The following FLRT2 variants were observed in gnomAD, a reference collection of about 807,000 sequenced individuals.
FLRT2 encodes leucine-rich repeat transmembrane protein FLRT2.
A neutral mutation model predicts 40.0 loss-of-function variants in FLRT2; 15 were observed. The observed-to-expected ratio is 0.38, with a 90% CI of 0.25 to 0.58. The LOEUF (loss-of-function observed/expected upper bound fraction) is 0.58, where lower values mean the gene tolerates loss of function less well. Among genes scored for constraint, FLRT2 ranks in the 20% least tolerant of loss-of-function variants. The probability of loss-of-function intolerance (pLI) is 0.71; values close to 1 mark genes in which losing one functional copy is unlikely to be tolerated. For missense variants in FLRT2, 726 were observed against 840.0 expected, an observed-to-expected ratio of 0.86 and a Z score of 1.68; for synonymous variants, 380 against 336.8, an observed-to-expected ratio of 1.13 and a Z score of -1.41.
At chr14:85,558,356 G>C (rs1207048248) in intron 1 of FLRT2, among the ~76,000 whole-genome samples, 3 of 151,944 alleles carry the variant, frequency 2.0e-5, no homozygotes, top group Non-Finnish European at 4.4e-5. Flanking sequence ...AGTAAATAAG[G>C]ATAAAAGAAA....
chr14:85,615,245 C>T (rs76191432), intron 1 of FLRT2, among the ~76,000 whole-genome samples: 3,260 of 152,270 alleles, frequency 0.021, 61 homozygotes, highest in South Asian at 0.08. Flanking sequence ...GTGAAAGTGT[C>T]TTCAATTTCA....
At position 85,636,613 on chromosome 14, in the gene FLRT2, A is replaced by T. The variant is rs1032613792; in HGVS notation, c.*13116A>T. 2 of 152,070 alleles carry T rather than the reference A, an allele frequency of 1.3e-5. No individual in the cohort carries two copies. Among genetic ancestry groups the T allele is most frequent in the African/African-American group, 4.8e-5 (2 of 41,430 alleles). 9.4% of individuals were successfully genotyped at this position (152,070 alleles called of 1,614,324 possible). On this transcript the variant is annotated 3_prime_UTR_variant, in exon 2 of 2. Coordinates refer to ENST00000330753, the MANE Select transcript of FLRT2 (RefSeq NM_013231.6). ...AGGAAAAGAAAAAGAAAGGCAAATA[A>T]AATGTTTATATGAAATTACGAACAT...
intron 1 of FLRT2, among the ~76,000 whole-genome samples, chr14:85,540,072 G>T (rs1421372987): frequency 2.6e-5 from 4 of 151,816 alleles, no homozygotes; most frequent in African/African-American, 9.7e-5. Flanking sequence ...GATTTTTTTT[G>T]GAAAAATAAA....
At position 85,623,561 on chromosome 14, in the gene FLRT2, A is replaced by T; in HGVS notation, c.*64A>T. Reference sequence around the variant, plus strand: ...CTCTTGAGAACACACTCGTGTGTGCACATAAAGACACGCAGATTACATTTG... The same window carrying T: ...CTCTTGAGAACACACTCGTGTGTGCTCATAAAGACACGCAGATTACATTTG... On this transcript the variant is annotated 3_prime_UTR_variant, in exon 2 of 2. Transcript: ENST00000330753. 2 of 1,227,214 alleles carry T rather than the reference A, an allele frequency of 1.6e-6. No homozygotes were observed. Among genetic ancestry groups the T allele is most frequent in the Non-Finnish European group, 2.2e-6 (2 of 927,424 alleles). The allele number at this position is 1,227,214 out of a possible 1,614,324, so 76.0% of individuals were successfully genotyped here.
At chr14:85,590,247 G>A (rs987459164) in intron 1 of FLRT2, among the ~76,000 whole-genome samples, 3 of 152,050 alleles carry the variant, frequency 2.0e-5, no homozygotes, top group African/African-American at 7.2e-5. Context: ...GGGGCAGTGA[G>A]GCAAAACTGC....
rs965442081 is a variant in FLRT2, at chr14:85,650,175, G to A, written c.*26678G>A. The A allele has an allele frequency of 6.6e-6, 1 of 151,798 alleles. No homozygotes were observed. The highest frequency in any genetic ancestry group is 1.5e-5 in the Non-Finnish European group (1 of 67,916). 9.4% of individuals were successfully genotyped at this position (151,798 alleles called of 1,614,324 possible). ...GATGTACAGTATAGCCTTATTTTAC[G>A]TGTTTTAAATTTATACATAAACAAT... On this transcript the variant is annotated 3_prime_UTR_variant, in exon 2 of 2. Transcript: ENST00000330753.
chr14:85,603,873 A>T (rs756989784), intron 1 of FLRT2, among the ~76,000 whole-genome samples: 4 of 152,116 alleles, frequency 2.6e-5, no homozygotes, highest in Non-Finnish European at 5.9e-5. Context: ...CAATCTTGAA[A>T]CCTGGATTGA....
Position 85,626,278 on chromosome 14 carries a change from C to CTGAT in FLRT2, c.*2782_*2785dup. ...TTTTAGTCATGGGAATGTATATTTG[C>CTGAT]TGATATATCTGCTCTGTGTTTGGGC... On this transcript the variant is annotated 3_prime_UTR_variant, in exon 2 of 2. Coordinates refer to ENST00000330753, the MANE Select transcript of FLRT2 (RefSeq NM_013231.6). 6.0e-6 allele frequency: 1 copy of CTGAT among 167,128 alleles called. No individual in the cohort carries two copies. The allele number at this position is 167,128 out of a possible 1,614,324, so 10.4% of individuals were successfully genotyped here.
At chr14:85,585,745 A>G (rs985944686) in intron 1 of FLRT2, among the ~76,000 whole-genome samples, 24 of 152,208 alleles carry the variant, frequency 1.6e-4, no homozygotes, top group African/African-American at 5.5e-4. Context: ...AATCTAAATG[A>G]CAGGATATTT....
At chr14:85,562,868 C>T (rs1002758519) in intron 1 of FLRT2, 8 of 151,854 alleles carry the variant, frequency 5.3e-5, no homozygotes, top group African/African-American at 9.7e-5. Flanking sequence ...AACTTTATAC[C>T]GTGAGGGAAA....
chr14:85,577,541 A>G (rs545558247), intron 1 of FLRT2, among the ~76,000 whole-genome samples: 1 of 151,978 alleles, frequency 6.6e-6, no homozygotes, highest in African/African-American at 2.4e-5. Flanking sequence ...TCTGGCTATT[A>G]GCCTCTGAGG....
chr14:85,568,701 C>T (rs1217917020), intron 1 of FLRT2, among the ~76,000 whole-genome samples: 1 of 152,122 alleles, frequency 6.6e-6, no homozygotes, highest in Non-Finnish European at 1.5e-5. Flanking sequence ...ATTAATGAGG[C>T]CACTTCACTA....
intron 1 of FLRT2, among the ~76,000 whole-genome samples, chr14:85,543,178 A>G (rs1414319401): frequency 6.6e-6 from 1 of 152,094 alleles, no homozygotes; most frequent in Non-Finnish European, 1.5e-5. Flanking sequence ...GGAGATTCTG[A>G]TGTGTTAAGT....
At chr14:85,579,948 T>TTA (rs1555367930) in intron 1 of FLRT2, among the ~76,000 whole-genome samples, 1 of 149,864 alleles carries the variant, frequency 6.7e-6, no homozygotes, top group African/African-American at 2.5e-5. Flanking sequence ...TTTTTTTTTT[T>TTA]AAATAAGTGG....
intron 1 of FLRT2, among the ~76,000 whole-genome samples, chr14:85,547,414 T>C (rs1300532052): frequency 1.3e-5 from 2 of 151,410 alleles, no homozygotes; most frequent in East Asian, 1.9e-4. Flanking sequence ...TCCTCTGCCT[T>C]CCAGTTTCAA....
intron 1 of FLRT2, among the ~76,000 whole-genome samples, chr14:85,549,270 A>C (rs530039328): frequency 6.6e-6 from 1 of 151,886 alleles, no homozygotes; most frequent in African/African-American, 2.4e-5. Flanking sequence ...AAACTAAAAG[A>C]GTACACTGTA....
At chr14:85,608,377 G>A (rs994405442) in intron 1 of FLRT2, among the ~76,000 whole-genome samples, 2 of 151,960 alleles carry the variant, frequency 1.3e-5, no homozygotes, top group South Asian at 2.1e-4. Context: ...TTGCAAGAGC[G>A]AGCCTGCCAC....
At chr14:85,604,846 G>A (rs1049472634) in intron 1 of FLRT2, among the ~76,000 whole-genome samples, 15 of 152,142 alleles carry the variant, frequency 9.9e-5, no homozygotes, top group African/African-American at 3.6e-4. Flanking sequence ...TTGGCAGAGG[G>A]GTGAAGTGGG....
intron 1 of FLRT2, among the ~76,000 whole-genome samples, chr14:85,609,941 T>C (rs930393974): frequency 6.6e-6 from 1 of 152,200 alleles, no homozygotes; most frequent in African/African-American, 2.4e-5. Context: ...ATGGTTTTCT[T>C]CACCACACAT....
Sources: gnomAD v4.1 joint callset for allele counts (sites outside exome capture counted in the v4.1 genomes callset) on GRCh38, gnomAD v4.1.1 for gene constraint, MANE v1.5 for transcripts, NCBI Gene and HGNC (gene_info 2026-07-23, HGNC 2026-07-21) for gene names.